MYO16: variants seen among roughly 807,000 people sequenced by gnomAD.
MYO16 encodes unconventional myosin-XVI.
In MYO16, 94 loss-of-function variants were observed where a neutral mutation model predicts 205.3. The observed-to-expected ratio is 0.46, with a 90% confidence interval of 0.39 to 0.54. The LOEUF is 0.54. Ranked by LOEUF, MYO16 falls within the 20% of genes least tolerant of loss-of-function variation. MYO16 has a pLI of 0.00. For missense variants in MYO16, 2,315 were observed against 2,387.5 expected, an observed-to-expected ratio of 0.97 and a Z score of 0.63; for synonymous variants, 988 against 954.0, an observed-to-expected ratio of 1.04 and a Z score of -0.66.
intron 13 of MYO16, among the ~76,000 whole-genome samples, chr13:108,884,373 A>T (rs1879759916): frequency 6.6e-6 from 1 of 152,354 alleles, no homozygotes; most frequent in East Asian, 1.9e-4. Context: ...CATCCCAAGG[A>T]TGAGGAAGGT....
intron 20 of MYO16, among the ~76,000 whole-genome samples, chr13:108,972,650 C>T (rs542623969): frequency 4.0e-5 from 6 of 151,134 alleles, no homozygotes; most frequent in Admixed American, 2.0e-4. Flanking sequence ...GTGTTTTGCT[C>T]GGGTGTGACT....
intron 20 of MYO16, among the ~76,000 whole-genome samples, chr13:108,968,435 C>A (rs1883882230): frequency 6.6e-6 from 1 of 152,028 alleles, no homozygotes; most frequent in South Asian, 2.1e-4. Flanking sequence ...CATGGCGAAA[C>A]CCCATCTCTA....
chr13:108,809,559 G>A (rs1336285667), intron 7 of MYO16, among the ~76,000 whole-genome samples: 1 of 152,106 alleles, frequency 6.6e-6, no homozygotes, highest in African/African-American at 2.4e-5. Context: ...GTTGGGGGAT[G>A]TATGCTTCGG....
intron 16 of MYO16, among the ~76,000 whole-genome samples, chr13:108,957,118 G>A (rs1032813334): frequency 5.3e-5 from 8 of 152,158 alleles, no homozygotes; most frequent in African/African-American, 1.2e-4. Flanking sequence ...AGGTGCGGTG[G>A]CTCACGCCTG....
At chr13:108,826,384 T>C (rs1353315252) in intron 9 of MYO16, among the ~76,000 whole-genome samples, 2 of 151,940 alleles carry the variant, frequency 1.3e-5, no homozygotes, top group African/African-American at 2.4e-5. Context: ...AAATAATGAG[T>C]TGGACCTGAA....
chr13:108,548,148 A>T, the MYO16 span, among the ~76,000 whole-genome samples: 1 of 152,180 alleles, frequency 6.6e-6, no homozygotes, highest in Non-Finnish European at 1.5e-5. Context: ...TGATGTATTC[A>T]AAAGGTAAAA....
At chr13:109,170,284 G>T (rs1434051581) in intron 33 of MYO16, among the ~76,000 whole-genome samples, 3 of 152,084 alleles carry the variant, frequency 2.0e-5, no homozygotes, top group African/African-American at 7.2e-5. Flanking sequence ...AATTTTAATG[G>T]AGTCCAACCT....
At chr13:108,757,294 C>T (rs988782110) in intron 4 of MYO16, among the ~76,000 whole-genome samples, 2 of 152,026 alleles carry the variant, frequency 1.3e-5, no homozygotes, top group African/African-American at 2.4e-5. Flanking sequence ...ATGAGAGGAG[C>T]GCTTTGAAGT....
chr13:108,666,228 T>G, intron 2 of MYO16, 79 bp downstream of exon 2: 1 of 1,436,760 alleles, frequency 7.0e-7, no homozygotes, highest in East Asian at 2.5e-5. Context: ...GTTTTTTTGA[T>G]GGAGAGATGG....
Position 108,831,367 on chromosome 13 carries a change from G to A in MYO16, c.1097+8089G>A, listed in dbSNP as rs528530737. On this transcript the variant is annotated intron_variant, in intron 9 of 34. Coordinates refer to ENST00000457511, the MANE Select transcript of MYO16 (RefSeq NM_001198950.3). Reference sequence around the variant, plus strand: ...ATTTTTTATTTGCTAAATCTAGCAAGCCTTTAACAGGATAGGGCTTCAAGG... The same window carrying A: ...ATTTTTTATTTGCTAAATCTAGCAAACCTTTAACAGGATAGGGCTTCAAGG... Among the ~76,000 whole-genome samples, 6 of 152,290 alleles carry A rather than the reference G, an allele frequency of 3.9e-5. 1 individual carries two copies. Among genetic ancestry groups the A allele is most frequent in the African/African-American group, 1.4e-4 (6 of 41,568 alleles).
Position 109,125,498 on chromosome 13 carries a change from A to C in MYO16, c.3782+140A>C, listed in dbSNP as rs1876206728. The C allele has an allele frequency of 8.8e-7, 1 of 1,138,984 alleles. No homozygotes were observed. Among genetic ancestry groups the C allele is most frequent in the Non-Finnish European group, 1.2e-6 (1 of 810,820 alleles). 70.6% of individuals were successfully genotyped at this position (1,138,984 alleles called of 1,614,324 possible). On this transcript the variant is annotated intron_variant, in intron 30 of 34. Coordinates refer to ENST00000457511, the MANE Select transcript of MYO16 (RefSeq NM_001198950.3). This position sits in a 1 kb window ranked among gnomAD's most constrained non-coding sequence, Gnocchi z 4.0. ...ACAGGCATGCGTGGTTTGTTATTCG[A>C]AATGGCAGCAGTCTAAAAAGATGCT...
chr13:108,630,403 CTG>C (rs756827893), intron 1 of MYO16, among the ~76,000 whole-genome samples: 2 of 152,166 alleles, frequency 1.3e-5, no homozygotes, highest in African/African-American at 4.8e-5. Flanking sequence ...TCCAGGGACT[CTG>C]TACCAAATGC....
At chr13:108,682,905 G>A (rs534509028) in intron 2 of MYO16, among the ~76,000 whole-genome samples, 1 of 152,218 alleles carries the variant, frequency 6.6e-6, no homozygotes, top group East Asian at 1.9e-4. Flanking sequence ...TATTGATCAG[G>A]CAAAATATCT....
At chr13:109,071,280 C>T (rs1156926951) in intron 27 of MYO16, among the ~76,000 whole-genome samples, 2 of 152,068 alleles carry the variant, frequency 1.3e-5, no homozygotes, top group Non-Finnish European at 2.9e-5. Flanking sequence ...CAACTACTGT[C>T]TCTACAGTTG....
intron 34 of MYO16, among the ~76,000 whole-genome samples, chr13:109,204,242 A>G (rs1880513930): frequency 6.6e-6 from 1 of 152,238 alleles, no homozygotes; most frequent in Admixed American, 6.5e-5. Context: ...TGTGTCATTT[A>G]GGAAACATGG....
intron 32 of MYO16, among the ~76,000 whole-genome samples, chr13:109,144,793 C>G (rs1877254233): frequency 6.6e-6 from 1 of 152,174 alleles, no homozygotes; most frequent in African/African-American, 2.4e-5. Flanking sequence ...GGAACAATGA[C>G]ATCGAGGAGA....
intron 28 of MYO16, among the ~76,000 whole-genome samples, chr13:109,118,804 T>C (rs1009297573): frequency 6.6e-6 from 1 of 151,542 alleles, no homozygotes; most frequent in Non-Finnish European, 1.5e-5. Context: ...CTATGAATTA[T>C]GGAAAATAAC....
At chr13:108,900,142 T>G (rs890969007) in intron 15 of MYO16, among the ~76,000 whole-genome samples, 4 of 152,210 alleles carry the variant, frequency 2.6e-5, no homozygotes, top group Admixed American at 2.6e-4. Flanking sequence ...TTTTTCCTCT[T>G]TTTTATTTTT....
chr13:108,665,866 T>C lies in MYO16; in HGVS notation c.29-20T>C. 6.2e-7 allele frequency: 1 copy of C among 1,608,774 alleles called. No individual in the cohort carries two copies. The highest frequency in any genetic ancestry group is 8.5e-7 in the Non-Finnish European group (1 of 1,177,022). On this transcript the variant is annotated intron_variant, in intron 1 of 34. Transcript: ENST00000457511. ...GTTATAATAATAGGTCTGGTGACGC[T>C]CCCCTTGCATTTCTTCCAGGTTGCT...
Sources: allele counts gnomAD v4.1 joint callset (sites outside exome capture counted in the v4.1 genomes callset), GRCh38; gene constraint gnomAD v4.1.1; non-coding constraint Gnocchi (gnomAD v3.1); transcripts MANE v1.5; gene names NCBI Gene and HGNC (gene_info 2026-07-23, HGNC 2026-07-21).